Variants in COL24A1 observed in about 807,000 individuals in gnomAD.
COL24A1 encodes the protein collagen alpha-1(XXIV) chain.
Under a neutral mutation model 253.9 loss-of-function variants are expected in COL24A1, and 224 were observed. The observed-to-expected ratio is 0.88, with a 90% CI of 0.79 to 0.99. The LOEUF is 0.99. Among genes scored for constraint, COL24A1 ranks in the 50% least tolerant of loss-of-function variants. The pLI is 0.00. For missense variants in COL24A1, 2,131 were observed against 2,068.5 expected (o/e 1.03, Z -0.59); for synonymous variants, 685 against 673.7 (o/e 1.02, Z -0.26).
chr1:86,101,156 T>C (rs1445593667), intron 5 of COL24A1, among the ~76,000 whole-genome samples: 1 of 152,092 alleles, frequency 6.6e-6, no homozygotes, highest in Non-Finnish European at 1.5e-5. Flanking sequence ...TTGTCAGAAC[T>C]GAATTGAATT....
At chr1:86,071,869 G>A (rs747183363) in intron 7 of COL24A1, among the ~76,000 whole-genome samples, 2 of 152,126 alleles carry the variant, frequency 1.3e-5, no homozygotes, top group Non-Finnish European at 2.9e-5. Context: ...GCAAGCAGAA[G>A]CAGGGTGGGG....
At chr1:85,835,046 A>T (rs192199471) in intron 43 of COL24A1, among the ~76,000 whole-genome samples, 12 of 152,100 alleles carry the variant, frequency 7.9e-5, no homozygotes, top group Admixed American at 1.3e-4. Context: ...GGGATGTCCA[A>T]TGTAATATCC....
chr1:86,058,648 T>C (rs1171373794), intron 9 of COL24A1, among the ~76,000 whole-genome samples: 1 of 151,850 alleles, frequency 6.6e-6, no homozygotes, highest in Non-Finnish European at 1.5e-5. Flanking sequence ...GGAATACATT[T>C]AAAATGATTA....
At chr1:85,910,448 A>G (rs939280149) in intron 25 of COL24A1, among the ~76,000 whole-genome samples, 3 of 151,960 alleles carry the variant, frequency 2.0e-5, no homozygotes, top group Non-Finnish European at 2.9e-5. Context: ...ATTAAGTGCC[A>G]TAAGAAATAA....
Position 86,061,983 on chromosome 1 carries a change from G to A in COL24A1, c.1752+1732C>T, listed in dbSNP as rs1701124841. 1.3e-5 allele frequency among the ~76,000 whole-genome samples: 2 copies of A among 151,978 alleles called. 1 individual carries two copies. Among genetic ancestry groups the A allele is most frequent in the South Asian group, 4.1e-4 (2 of 4,822 alleles). ...CCAGCACTGCTACTATAGTTTCTCT[G>A]TTTTTTCATTAGTAAAATAGAATAA... On this transcript the variant is annotated intron_variant, in intron 8 of 59. Transcript: ENST00000370571.
At chr1:85,785,108 G>GAAAAAGAGTAGTCTCCTAAA (rs1359504901) in intron 48 of COL24A1, among the ~76,000 whole-genome samples, 2 of 152,040 alleles carry the variant, frequency 1.3e-5, no homozygotes, top group Non-Finnish European at 2.9e-5. Flanking sequence ...TCTAATACCA[G>GAAAAAGAGTAGTCTCCTAAA]AAAAAGAGTA....
chr1:85,917,605 T>G (rs1211628506), intron 24 of COL24A1, among the ~76,000 whole-genome samples: 2 of 152,100 alleles, frequency 1.3e-5, no homozygotes, highest in Non-Finnish European at 2.9e-5. Context: ...CTCAATTTAT[T>G]TTTTCCCATT....
rs1572108440 is a variant in COL24A1, at chr1:86,156,551, G to T, written c.-155C>A. The T allele has an allele frequency of 3.5e-6, 2 of 578,230 alleles. No individual in the cohort carries two copies. Among genetic ancestry groups the T allele is most frequent in the Non-Finnish European group, 5.6e-6 (2 of 358,766 alleles). 35.8% of individuals were successfully genotyped at this position (578,230 alleles called of 1,614,324 possible). ...AACAAGAAAAAAAGGAGGGGAGGGG[G>T]TGAAGTCGGGAGGAGGTAGGAAATA... On this transcript the variant is annotated 5_prime_UTR_variant, in exon 1 of 60. Transcript: ENST00000370571.
chr1:85,927,585 T>C lies in COL24A1; in HGVS notation c.2563-16152A>G, dbSNP rs1187801235. ...CGAACTGGGTGGAGCCCACCACAGC[T>C]CAAGGAGGCCTGCCTGCCTCTGTAG... On this transcript the variant is annotated intron_variant, in intron 24 of 59. Transcript: ENST00000370571. Among the ~76,000 whole-genome samples, 9 of 115,106 alleles carry C rather than the reference T, an allele frequency of 7.8e-5. No homozygotes were observed. The Admixed American group carries it at 8.4e-4, about 11-fold the overall frequency. The allele number at this position is 115,106 out of a possible 152,430, so 75.5% of individuals were successfully genotyped here. A position where few individuals can be genotyped will look rare whatever the true frequency, so the allele number is the denominator to read the frequency against.
chr1:85,981,229 G>A (rs1229606222), intron 20 of COL24A1, among the ~76,000 whole-genome samples: 1 of 151,994 alleles, frequency 6.6e-6, no homozygotes, highest in African/African-American at 2.4e-5. Context: ...CTGGAGCATC[G>A]CATTACCTGA....
chr1:86,040,460 C>T (rs1699390355), intron 12 of COL24A1, among the ~76,000 whole-genome samples: 1 of 107,084 alleles, frequency 9.3e-6, no homozygotes, highest in African/African-American at 3.6e-5. Context: ...TGCTATCCCT[C>T]CCCCCTCCCC....
At chr1:85,743,243 C>T (rs1664845126) in intron 57 of COL24A1, among the ~76,000 whole-genome samples, 2 of 152,070 alleles carry the variant, frequency 1.3e-5, no homozygotes, top group South Asian at 4.2e-4. Context: ...CTATCATTCT[C>T]CCCTATATGC....
At chr1:85,817,476 C>A (rs1310988331) in intron 46 of COL24A1, among the ~76,000 whole-genome samples, 1 of 151,874 alleles carries the variant, frequency 6.6e-6, no homozygotes, top group East Asian at 1.9e-4. Flanking sequence ...TACAAGTCAC[C>A]CAAAGCAGGC....
chr1:85,852,562 G>A (rs1169393235), intron 37 of COL24A1, among the ~76,000 whole-genome samples: 1 of 152,056 alleles, frequency 6.6e-6, no homozygotes, highest in Non-Finnish European at 1.5e-5. Context: ...CATTAATATA[G>A]GAGAAGATTG....
chr1:85,754,514 G>T, intron 55 of COL24A1, among the ~76,000 whole-genome samples: 1 of 90,482 alleles, frequency 1.1e-5, no homozygotes. Context: ...ATGTGCACAT[G>T]TACCCTAAAA....
intron 47 of COL24A1, among the ~76,000 whole-genome samples, chr1:85,791,365 A>G (rs1472969598): frequency 2.0e-5 from 3 of 152,186 alleles, no homozygotes; most frequent in Non-Finnish European, 2.9e-5. Flanking sequence ...ACACTAAATC[A>G]GTACAATCTT....
rs752342436 is a variant in COL24A1, at chr1:85,775,720, A to G, written c.4339-11T>C. 3.7e-6 allele frequency: 6 copies of G among 1,600,770 alleles called. No individual in the cohort carries two copies. Among genetic ancestry groups the G allele is most frequent in the Non-Finnish European group, 5.1e-6 (6 of 1,174,732 alleles). On this transcript the variant is annotated splice_polypyrimidine_tract_variant and intron_variant, in intron 52 of 59. Coordinates refer to ENST00000370571, the MANE Select transcript of COL24A1 (RefSeq NM_152890.7). ...TTCACCTCTGGGTCCCTAAAAGAAA[A>G]AAAAAAGATGTTAGTTCATTGTTAT...
intron 5 of COL24A1, among the ~76,000 whole-genome samples, chr1:86,098,738 T>TA (rs1371095198): frequency 6.6e-6 from 1 of 152,134 alleles, no homozygotes. Flanking sequence ...ACTCTTTTGG[T>TA]AAAAAGTTAC....
At chr1:85,900,125 A>G (rs1684129954) in intron 28 of COL24A1, among the ~76,000 whole-genome samples, 1 of 152,188 alleles carries the variant, frequency 6.6e-6, no homozygotes, top group South Asian at 2.1e-4. Flanking sequence ...ACATATAGTA[A>G]TAATAACCAC....
Sources: allele counts gnomAD v4.1 joint callset (sites outside exome capture counted in the v4.1 genomes callset), GRCh38; gene constraint gnomAD v4.1.1; transcripts MANE v1.5; gene names NCBI Gene and HGNC (gene_info 2026-07-23, HGNC 2026-07-21).